SOD2: variants seen among roughly 807,000 people sequenced by gnomAD.
SOD2 encodes the protein superoxide dismutase 2, also known as superoxide dismutase [Mn], mitochondrial.
A neutral mutation model predicts 27.0 loss-of-function variants in SOD2; 11 were observed. The ratio of observed to expected loss-of-function variants is 0.41; its 90% CI spans 0.26 to 0.67. The LOEUF is 0.67. Ranked by LOEUF, SOD2 falls within the 30% of genes least tolerant of loss-of-function variation. The pLI is 0.34. For synonymous variants in SOD2, 105 were observed against 103.0 expected (o/e 1.02, Z -0.12); for missense variants, 250 against 274.5 (o/e 0.91, Z 0.63).
At position 159,673,003 on chromosome 6, in the gene SOD2, G is replaced by C. The variant is rs1779702230; in HGVS notation, c.*9490C>G. 6.6e-6 allele frequency: 1 copy of C among 152,082 alleles called. No homozygotes were observed. The highest frequency in any genetic ancestry group is 2.4e-5 in the African/African-American group (1 of 41,398). 9.4% of individuals were successfully genotyped at this position (152,082 alleles called of 1,614,324 possible). On this transcript the variant is annotated 3_prime_UTR_variant, in exon 5 of 5. Transcript: ENST00000538183. ...AACAAAGATCAAAAGAGACAAAGAA[G>C]GCCATTACATGATAGTAAAGGGATC... is the stretch of plus-strand genomic sequence containing the variant.
chr6:159,713,731 T>TGA (rs1777873812), intron 1 of SOD2: 2 of 916,810 alleles, frequency 2.2e-6, no homozygotes, highest in African/African-American at 3.2e-5. Context: ...TCAACACTAT[T>TGA]AGACTTGAAT....
chr6:159,707,033 A>C (rs1301595276), intron 1 of SOD2, among the ~76,000 whole-genome samples: 1 of 152,202 alleles, frequency 6.6e-6, no homozygotes, highest in Admixed American at 6.5e-5. Flanking sequence ...GTACATAATG[A>C]AATGAAGACA....
At chr6:159,693,040 G>C (rs1197980101) in intron 1 of SOD2, 105 bp downstream of exon 1, 30 of 1,473,344 alleles carry the variant, frequency 2.0e-5, no homozygotes, top group Non-Finnish European at 2.7e-5. Flanking sequence ...AGGTGCCCCG[G>C]TCCCGCCAGG....
chr6:159,730,708 C>G (rs2114869007), upstream of SOD2, among the ~76,000 whole-genome samples: 1 of 152,048 alleles, frequency 6.6e-6, no homozygotes, highest in East Asian at 1.9e-4. Flanking sequence ...TCTGAATTTC[C>G]CAAGTTGGAT....
At chr6:159,735,926 T>C (rs780539288) in intron 1 of SOD2, among the ~76,000 whole-genome samples, 2 of 152,110 alleles carry the variant, frequency 1.3e-5, no homozygotes, top group Non-Finnish European at 2.9e-5. Context: ...CTTGAGGTCA[T>C]TATATTTCTC....
intron 1 of SOD2, among the ~76,000 whole-genome samples, chr6:159,750,311 ATCTT>A (rs1779771715): frequency 6.6e-6 from 1 of 152,218 alleles, no homozygotes. Context: ...TTGAGCAGGC[ATCTT>A]TCTTTGACAC....
chr6:159,760,262 A>G lies in SOD2; in HGVS notation c.-336+775T>C, dbSNP rs1240482006. ...GTTTGGTTTCAATATGTCAAATTTG[A>G]TGTGCTTATAGGAAATTTTATTTAT... On this transcript the variant is annotated intron_variant, in intron 1 of 7. Coordinates refer to the SOD2 transcript ENST00000546087. 4 of 152,130 alleles carry G rather than the reference A, an allele frequency of 2.6e-5. No homozygotes were observed. In the East Asian group the frequency reaches 7.7e-4, roughly 29 times the overall value. The allele number at this position is 152,130 out of a possible 1,614,324, so 9.4% of individuals were successfully genotyped here. A position where few individuals can be genotyped will look rare whatever the true frequency, so the allele number is the denominator to read the frequency against.
At chr6:159,689,123 C>T (rs1156677860) in intron 2 of SOD2, among the ~76,000 whole-genome samples, 1 of 152,186 alleles carries the variant, frequency 6.6e-6, no homozygotes, top group Non-Finnish European at 1.5e-5. Context: ...CACTTGACCC[C>T]GTCATTGAGC....
intron 1 of SOD2, among the ~76,000 whole-genome samples, chr6:159,708,142 A>G (rs1320466813): frequency 1.3e-5 from 2 of 152,252 alleles, no homozygotes; most frequent in African/African-American, 4.8e-5. Context: ...GCTATTTATG[A>G]CAAACCCACA....
chr6:159,685,093 A>C (rs2855116), intron 3 of SOD2, 60 bp from the exon 4 acceptor site: 595,527 of 1,299,976 alleles, frequency 0.46, 140,976 homozygotes, highest in Admixed American at 0.53. Flanking sequence ...ATTACAGTAA[A>C]ATGTTATATT....
Position 159,762,101 on chromosome 6 carries a change from C to T in SOD2, c.-1400G>A, listed in dbSNP as rs368548974. On this transcript the variant is annotated 5_prime_UTR_variant, in exon 1 of 8. Transcript: ENST00000546087. ...AGGAGAAGCAAGATGAATGCAGGCTCAGATCCTGTGGTCATCGTCTCGGCG... is the reference window on the plus strand; with the variant it reads ...AGGAGAAGCAAGATGAATGCAGGCTTAGATCCTGTGGTCATCGTCTCGGCG... 11 of 1,613,204 alleles carry T rather than the reference C, an allele frequency of 6.8e-6. No homozygotes were observed. In the African/African-American group the frequency reaches 1.2e-4, roughly 18 times the overall value.
At chr6:159,740,271 T>C (rs1779173301) in intron 1 of SOD2, among the ~76,000 whole-genome samples, 1 of 152,218 alleles carries the variant, frequency 6.6e-6, no homozygotes, top group African/African-American at 2.4e-5. Flanking sequence ...TCAGTAATCT[T>C]AATAAAGAAT....
At chr6:159,696,432 G>A (rs1463299461), upstream of SOD2, among the ~76,000 whole-genome samples, 2 of 152,088 alleles carry the variant, frequency 1.3e-5, no homozygotes, top group Non-Finnish European at 2.9e-5. Context: ...TGATTCTCCT[G>A]CCTTAGCCTC....
chr6:159,757,959 A>G (rs1188587042), intron 1 of SOD2, among the ~76,000 whole-genome samples: 1 of 152,214 alleles, frequency 6.6e-6, no homozygotes, highest in South Asian at 2.1e-4. Context: ...ACTGAATTTA[A>G]TATGGACCTG....
chr6:159,685,385 G>A (rs1780141466), intron 3 of SOD2, among the ~76,000 whole-genome samples: 1 of 151,758 alleles, frequency 6.6e-6, no homozygotes, highest in Non-Finnish European at 1.5e-5. Context: ...TGCGATTACA[G>A]GCACGTGCCA....
intron 1 of SOD2, among the ~76,000 whole-genome samples, chr6:159,735,449 A>G (rs1354935851): frequency 6.6e-6 from 1 of 152,190 alleles, no homozygotes; most frequent in Non-Finnish European, 1.5e-5. Flanking sequence ...AGTGTAACAT[A>G]TATTTTAAAA....
Position 159,672,431 on chromosome 6 carries a change from C to T in SOD2, c.*10062G>A, listed in dbSNP as rs1257611267. 6.6e-6 allele frequency: 1 copy of T among 152,130 alleles called. No homozygotes were observed. Among genetic ancestry groups the T allele is most frequent in the Non-Finnish European group, 1.5e-5 (1 of 68,038 alleles). The allele number at this position is 152,130 out of a possible 1,614,324, so 9.4% of individuals were successfully genotyped here. On this transcript the variant is annotated 3_prime_UTR_variant, in exon 5 of 5. Coordinates refer to ENST00000538183, the MANE Select transcript of SOD2 (RefSeq NM_000636.4). ...CTACAAGCCAGAAGAGAGTGGGGGT[C>T]AATATTCAACGTTCTTGAAGAAAAG...
chr6:159,732,006 T>C (rs935277221), upstream of SOD2, among the ~76,000 whole-genome samples: 3 of 152,150 alleles, frequency 2.0e-5, no homozygotes, highest in Non-Finnish European at 4.4e-5. Flanking sequence ...AGGGAAAGTA[T>C]CAGGTTGTAG....
intron 1 of SOD2, among the ~76,000 whole-genome samples, chr6:159,751,961 C>G (rs762703960): frequency 6.6e-6 from 1 of 151,598 alleles, no homozygotes; most frequent in Admixed American, 6.6e-5. Context: ...ACTCCGGAGG[C>G]TGAGGTGGGA....
Sources: allele counts gnomAD v4.1 joint callset (sites outside exome capture counted in the v4.1 genomes callset), GRCh38; gene constraint gnomAD v4.1.1; transcripts MANE v1.5; gene names NCBI Gene and HGNC (gene_info 2026-07-23, HGNC 2026-07-21).